Variants in EGFLAM observed in about 807,000 individuals in gnomAD.
The protein encoded by EGFLAM is EGF like, fibronectin type III and laminin G domains.
Under a neutral mutation model 113.1 loss-of-function variants are expected in EGFLAM, and 79 were observed. The ratio of observed to expected loss-of-function variants is 0.70; its 90% CI spans 0.58 to 0.84. EGFLAM has a LOEUF of 0.84. Ranked by LOEUF, EGFLAM falls within the 40% of genes least tolerant of loss-of-function variation. EGFLAM has a pLI of 0.00. For missense variants in EGFLAM, 1,265 were observed against 1,291.6 expected, an observed-to-expected ratio of 0.98 and a Z score of 0.32; for synonymous variants, 504 against 487.6, an observed-to-expected ratio of 1.03 and a Z score of -0.44.
chr5:38,434,963 A>G (rs2112217429), intron 15 of EGFLAM, among the ~76,000 whole-genome samples, 174 bp from the exon 16 acceptor site: 1 of 152,330 alleles, frequency 6.6e-6, no homozygotes, highest in Non-Finnish European at 1.5e-5. Flanking sequence ...GGCAGGTGGT[A>G]AGGAGCAATG....
At chr5:38,313,956 T>C (rs904477377) in intron 1 of EGFLAM, among the ~76,000 whole-genome samples, 3 of 152,224 alleles carry the variant, frequency 2.0e-5, no homozygotes, top group Admixed American at 6.5e-5. Context: ...ATTTTAACTT[T>C]GGTTGTTGTT....
Position 38,341,379 on chromosome 5 carries a change from C to T in EGFLAM, c.291+2598C>T, listed in dbSNP as rs1739332544. ...GAGTGCTGAGTGAAGGGGGAAGCCCCTTATAAAATCATCAGCTCTTGTGAG... is the reference window on the plus strand; with the variant it reads ...GAGTGCTGAGTGAAGGGGGAAGCCCTTTATAAAATCATCAGCTCTTGTGAG... On this transcript the variant is annotated intron_variant, in intron 3 of 21. Transcript: ENST00000322350. Among the ~76,000 whole-genome samples, 3 of 152,148 alleles carry T rather than the reference C, an allele frequency of 2.0e-5. No homozygotes were observed. The South Asian group carries it at 6.2e-4, about 32-fold the overall frequency.
rs1449129342 is a variant in EGFLAM at position 38,435,127 on chromosome 5, C to A, written c.2167-10C>A. ...AGTCATACAATGCTTTGTTTTTAAT[C>A]TTTTGGCAGGGAGGCTTCACACAGA... On this transcript the variant is annotated splice_polypyrimidine_tract_variant and intron_variant, in intron 15 of 21. Coordinates refer to ENST00000322350, the MANE Select transcript of EGFLAM (RefSeq NM_152403.4). 6.2e-7 allele frequency: 1 copy of A among 1,610,926 alleles called. No individual in the cohort carries two copies. Among genetic ancestry groups the A allele is most frequent in the African/African-American group, 1.3e-5 (1 of 74,806 alleles).
At chr5:38,383,100 C>T (rs1477322758) in intron 6 of EGFLAM, among the ~76,000 whole-genome samples, 1 of 152,176 alleles carries the variant, frequency 6.6e-6, no homozygotes, top group African/African-American at 2.4e-5. Context: ...TTGAGAGCAG[C>T]TCCATTAGAT....
chr5:38,412,956 T>C (rs1741531170), intron 11 of EGFLAM, among the ~76,000 whole-genome samples: 1 of 152,032 alleles, frequency 6.6e-6, no homozygotes, highest in Non-Finnish European at 1.5e-5. Flanking sequence ...AAGGACATGT[T>C]CTCTTTCCCT....
intron 5 of EGFLAM, among the ~76,000 whole-genome samples, chr5:38,358,308 G>A (rs556009828): frequency 2.6e-5 from 4 of 151,636 alleles, no homozygotes; most frequent in African/African-American, 7.2e-5. Context: ...TTGGCCGGGC[G>A]AGGTGGCGGG....
intron 1 of EGFLAM, among the ~76,000 whole-genome samples, chr5:38,331,610 A>G (rs373788551): frequency 2.6e-5 from 4 of 152,260 alleles, no homozygotes; most frequent in Non-Finnish European, 4.4e-5. Flanking sequence ...TTATGGTTCT[A>G]TTTTATGGGA....
chr5:38,425,179 ATTTG>A (rs1312084301), intron 13 of EGFLAM, 87 bp downstream of exon 13: 12 of 1,514,524 alleles, frequency 7.9e-6, no homozygotes, highest in African/African-American at 5.6e-5. Context: ...TTCTTTGTTA[ATTTG>A]TTTGTTTGTT....
In EGFLAM at chr5:38,270,546, T is replaced by C. The variant is rs150599980; in HGVS notation, c.97+11695T>C. 3.5e-3 allele frequency among the ~76,000 whole-genome samples: 529 copies of C among 152,228 alleles called. 2 individuals are homozygous for C. The highest frequency in any genetic ancestry group is 0.017 in the Middle Eastern group (5 of 294). ...AGTTGTTTTTAAGTAATTGACAAGCTTAGCCACAACCTACACCCATAATAC... is the reference window on the plus strand; with the variant it reads ...AGTTGTTTTTAAGTAATTGACAAGCCTAGCCACAACCTACACCCATAATAC... On this transcript the variant is annotated intron_variant, in intron 1 of 21. Coordinates refer to ENST00000322350, the MANE Select transcript of EGFLAM (RefSeq NM_152403.4).
chr5:38,442,947 C>G (rs978047672), intron 17 of EGFLAM, among the ~76,000 whole-genome samples: 1 of 152,224 alleles, frequency 6.6e-6, no homozygotes, highest in East Asian at 1.9e-4. Flanking sequence ...GCCCTGATAT[C>G]GCATAACAAT....
chr5:38,268,085 C>T (rs190458539), intron 1 of EGFLAM, among the ~76,000 whole-genome samples: 195 of 152,208 alleles, frequency 1.3e-3, no homozygotes, highest in African/African-American at 4.4e-3. Context: ...TGGCCCCACC[C>T]GGCAAGATGG....
At position 38,418,145 on chromosome 5, in the gene EGFLAM, C is replaced by T; in HGVS notation, c.1574C>T (p.Thr525Ile). ...APSAYWLVRA[T>I]GTNRGFQGCV... ...AGCGCTTACTGGTTGGTTAGAGCAA[C>T]AGGGACAAACCGAGGCTTTCAAGGC... Residue 525 changes from threonine (T) to isoleucine (I), a missense_variant, in exon 12 of 22, where the codon ACA (threonine) becomes ATA (isoleucine). Transcript: ENST00000322350. 4 of 1,614,214 alleles carry T rather than the reference C, an allele frequency of 2.5e-6. No individual in the cohort carries two copies. The highest frequency in any genetic ancestry group is 3.4e-6 in the Non-Finnish European group (4 of 1,180,030).
chr5:38,275,657 T>C (rs1282665500), intron 1 of EGFLAM, among the ~76,000 whole-genome samples: 3 of 152,178 alleles, frequency 2.0e-5, no homozygotes, highest in Admixed American at 2.0e-4. Flanking sequence ...CTTTCATCAA[T>C]GGGCAGACAG....
At chr5:38,285,952 A>G (rs569900428) in intron 1 of EGFLAM, 1 of 152,296 alleles carries the variant, frequency 6.6e-6, no homozygotes, top group East Asian at 1.9e-4. Context: ...GAGCCAAACC[A>G]TATCACTTAG....
chr5:38,314,465 T>C (rs1453697195), intron 1 of EGFLAM, among the ~76,000 whole-genome samples: 1 of 152,180 alleles, frequency 6.6e-6, no homozygotes, highest in Non-Finnish European at 1.5e-5. Context: ...AGTAGACGTA[T>C]GCAAATGCCT....
chr5:38,408,227 A>G lies in EGFLAM; in HGVS notation c.1248+322A>G, dbSNP rs537336168. Among the ~76,000 whole-genome samples, 7 of 152,358 alleles carry G rather than the reference A, an allele frequency of 4.6e-5. No homozygotes were observed. In the East Asian group the frequency reaches 1.2e-3, roughly 25 times the overall value. ...GATTTCTCCCAGGCCAGGATTGAGA[A>G]GAAACAATGCATTCCCCGTTCCAAA... On this transcript the variant is annotated intron_variant, in intron 9 of 21. Coordinates refer to ENST00000322350, the MANE Select transcript of EGFLAM (RefSeq NM_152403.4).
intron 3 of EGFLAM, among the ~76,000 whole-genome samples, chr5:38,348,445 T>TG (rs920237882): frequency 5.3e-5 from 8 of 152,020 alleles, no homozygotes; most frequent in African/African-American, 1.9e-4. Context: ...AAGGTGACCA[T>TG]GGAAGAGCAG....
intron 1 of EGFLAM, among the ~76,000 whole-genome samples, chr5:38,329,734 CG>C (rs1738992590): frequency 6.6e-6 from 1 of 152,168 alleles, no homozygotes; most frequent in South Asian, 2.1e-4. Context: ...CTGTCTGCCT[CG>C]TTCCTATGGG....
intron 1 of EGFLAM, among the ~76,000 whole-genome samples, chr5:38,272,341 A>G (rs570390564): frequency 2.0e-5 from 3 of 152,218 alleles, no homozygotes. Context: ...GGGTTAAAAT[A>G]GTCCAGTGTC....
Sources: gnomAD v4.1 joint callset for allele counts (sites outside exome capture counted in the v4.1 genomes callset) on GRCh38, gnomAD v4.1.1 for gene constraint, MANE v1.5 for transcripts, NCBI Gene and HGNC (gene_info 2026-07-23, HGNC 2026-07-21) for gene names.